HRH3: variants seen among roughly 807,000 people sequenced by gnomAD.
HRH3 encodes the protein histamine H3 receptor.
A neutral mutation model predicts 21.6 loss-of-function variants in HRH3; 13 were observed. The ratio of observed to expected loss-of-function variants is 0.60; its 90% CI spans 0.39 to 0.96. The LOEUF (loss-of-function observed/expected upper bound fraction) is 0.96. Among genes scored for constraint, HRH3 ranks in the 40% least tolerant of loss-of-function variants. The pLI, the probability that HRH3 is intolerant of heterozygous loss-of-function variation, is 0.00. For synonymous variants in HRH3, 276 were observed against 290.3 expected (o/e 0.95, Z 0.50); for missense variants, 461 against 622.7 (o/e 0.74, Z 2.76).
rs778598533 is a variant in HRH3 at position 62,216,970 on chromosome 20, T to C, written c.418-44A>G. The stretch of plus-strand genomic sequence containing the variant: ...GTCAGGGGCGGGGCGGAAGGAATAT[T>C]GGGCTGGGTGCGCCCCCGTAGCCTG... On this transcript the variant is annotated intron_variant, in intron 2 of 2. Coordinates refer to ENST00000340177, the MANE Select transcript of HRH3 (RefSeq NM_007232.3). 18 of 1,517,722 alleles carry C rather than the reference T, an allele frequency of 1.2e-5. No individual in the cohort carries two copies. In the Admixed American group the frequency reaches 2.7e-4, roughly 23 times the overall value. 94.0% of individuals were successfully genotyped at this position (1,517,722 alleles called of 1,614,324 possible).
chr20:62,218,422 C>T lies in HRH3; in HGVS notation c.417+69G>A. 1 of 1,536,318 alleles carries T rather than the reference C, an allele frequency of 6.5e-7. No individual in the cohort carries two copies. On this transcript the variant is annotated intron_variant, in intron 2 of 2. Coordinates refer to ENST00000340177, the MANE Select transcript of HRH3 (RefSeq NM_007232.3). This position sits in a 1 kb window ranked among gnomAD's most constrained non-coding sequence, Gnocchi z 5.6. Reference sequence around the variant, plus strand: ...CAACTCAGAAGTGGCCGTCCCCACCCAGGTGCCTCCCATGGGCGTCCCGAC... The same window carrying T: ...CAACTCAGAAGTGGCCGTCCCCACCTAGGTGCCTCCCATGGGCGTCCCGAC...
Position 62,219,984 on chromosome 20 carries a change from C to G in HRH3, c.-14G>C. 1 of 1,013,038 alleles carries G rather than the reference C, an allele frequency of 9.9e-7. No homozygotes were observed. Among genetic ancestry groups the G allele is most frequent in the Non-Finnish European group, 1.2e-6 (1 of 850,658 alleles). The allele number at this position is 1,013,038 out of a possible 1,614,324, so 62.8% of individuals were successfully genotyped here. On this transcript the variant is annotated 5_prime_UTR_variant, in exon 1 of 3. An upstream open reading frame in the 5' UTR loses its in-frame stop. Transcript: ENST00000340177. The surrounding 1 kb of genome is among the most constrained non-coding windows in gnomAD (Gnocchi z 8.7). Reference sequence around the variant, plus strand: ...CGCGCGCTCCATGGCCCCGCAGGCTCACGCGGCTCCGGGACGCGGGGCAGG... The same window carrying G: ...CGCGCGCTCCATGGCCCCGCAGGCTGACGCGGCTCCGGGACGCGGGGCAGG...
In HRH3 at chr20:62,216,773, C is replaced by A. The variant is rs377382211; in HGVS notation, c.571G>T (p.Glu191Ter). Reference sequence around the variant, plus strand: ...AGGAAGTACCAGTTGTAGAAGAACTCGGCATAGCAGTGGCCCTCGGGGATG... The same window carrying A: ...AGGAAGTACCAGTTGTAGAAGAACTAGGCATAGCAGTGGCCCTCGGGGATG... ...SSIPEGHCYA[E>*]FFYNWYFLIT... Residue 191 changes from glutamate to a stop codon, truncating the protein, a stop_gained, in exon 3 of 3, where the codon GAG (glutamate) becomes TAG (stop). Coordinates refer to ENST00000340177, the MANE Select transcript of HRH3 (RefSeq NM_007232.3). LOFTEE classifies it low-confidence loss of function (END_TRUNC). 3 of 1,613,078 alleles carry A rather than the reference C, an allele frequency of 1.9e-6. No homozygotes were observed. The highest frequency in any genetic ancestry group is 1.6e-4 in the Middle Eastern group (1 of 6,084).
intron 2 of HRH3, 135 bp from the exon 3 acceptor site, chr20:62,217,061 C>T (rs1297275502): frequency 1.1e-6 from 1 of 871,206 alleles, no homozygotes. Context: ...TCCTCCCTCC[C>T]TCCCTCTTTC....
chr20:62,218,497 G>A lies in HRH3; in HGVS notation c.411C>T (p.Thr137=), dbSNP rs746826579. ...TCCGCAGCCCAGGACTCACCGCTCG[G>A]GTGACCGACAGGAAGCGGTCGTAGC... ...LISYDRFLSV[T]RAVSYRAQQG... is the part of the protein sequence containing the mutation. The change falls in exon 2 of 3, where the codon ACC becomes ACT. Residue 137 remains threonine (T), a synonymous_variant. Coordinates refer to ENST00000340177, the MANE Select transcript of HRH3 (RefSeq NM_007232.3). The surrounding 1 kb of genome is among the most constrained non-coding windows in gnomAD (Gnocchi z 5.6). 5.6e-6 allele frequency: 9 copies of A among 1,611,316 alleles called. No homozygotes were observed. The Admixed American group carries it at 1.0e-4, about 18-fold the overall frequency.
intron 2 of HRH3, among the ~76,000 whole-genome samples, chr20:62,217,664 G>T (rs990184715): frequency 6.6e-6 from 1 of 152,184 alleles, no homozygotes; most frequent in Non-Finnish European, 1.5e-5. Context: ...CCACCAGCCT[G>T]ATGGCGTTTA....
At chr20:62,217,919 A>G (rs534950054) in intron 2 of HRH3, among the ~76,000 whole-genome samples, 3 of 152,278 alleles carry the variant, frequency 2.0e-5, no homozygotes, top group South Asian at 4.1e-4. Context: ...ACCTGCCCTC[A>G]GTCCTGCAGA....
rs1978681984 is a variant in HRH3 at position 62,218,681 on chromosome 20, G to A, written c.251-24C>T. 2 of 1,607,104 alleles carry A rather than the reference G, an allele frequency of 1.2e-6. No individual in the cohort carries two copies. The highest frequency in any genetic ancestry group is 3.3e-5 in the Admixed American group (2 of 59,856). ...GCCTGTGGGGAGTAGGGCCACAGTG[G>A]GACCATGCAGCCAGGGGCCAGGGGA... On this transcript the variant is annotated intron_variant, in intron 1 of 2. Transcript: ENST00000340177. This position sits in a 1 kb window ranked among gnomAD's most constrained non-coding sequence, Gnocchi z 5.6.
chr20:62,215,351 T>A lies in HRH3; in HGVS notation c.*655A>T, dbSNP rs1292989666. The A allele has an allele frequency of 2.2e-6, 1 of 456,864 alleles. No homozygotes were observed. The highest frequency in any genetic ancestry group is 2.3e-5 in the Admixed American group (1 of 42,596). The allele number at this position is 456,864 out of a possible 1,614,324, so 28.3% of individuals were successfully genotyped here. Reference sequence around the variant, plus strand: ...GAGCTCCTCAGCAATTTTGTCTCTCTTGATTAAACATCCCAGGAACATCAA... The same window carrying A: ...GAGCTCCTCAGCAATTTTGTCTCTCATGATTAAACATCCCAGGAACATCAA... On this transcript the variant is annotated 3_prime_UTR_variant, in exon 3 of 3. Coordinates refer to ENST00000340177, the MANE Select transcript of HRH3 (RefSeq NM_007232.3).
chr20:62,218,180 G>T lies in HRH3; in HGVS notation c.417+311C>A, dbSNP rs893923213. 2.0e-5 allele frequency among the ~76,000 whole-genome samples: 3 copies of T among 152,224 alleles called. No homozygotes were observed. The highest frequency in any genetic ancestry group is 7.2e-5 in the African/African-American group (3 of 41,456). ...GGAGGGATGTCACCCAGGGCGTCTG[G>T]CCCCAGATCCTCCCTTAACTCCGGG... On this transcript the variant is annotated intron_variant, in intron 2 of 2. Transcript: ENST00000340177. The surrounding 1 kb of genome is among the most constrained non-coding windows in gnomAD (Gnocchi z 5.6).
Position 62,218,713 on chromosome 20 carries a change from G to T in HRH3, c.251-56C>A. 6.4e-7 allele frequency: 1 copy of T among 1,563,334 alleles called. No individual in the cohort carries two copies. The highest frequency in any genetic ancestry group is 8.7e-7 in the Non-Finnish European group (1 of 1,145,426). On this transcript the variant is annotated intron_variant, in intron 1 of 2. Transcript: ENST00000340177. This position sits in a 1 kb window ranked among gnomAD's most constrained non-coding sequence, Gnocchi z 5.6. ...GCAGCCAGGGGCCAGGGGACAGACG[G>T]ACCTAAGCGCAGACACCGGCGGGAC...
In HRH3 at chr20:62,216,079, G is replaced by A. The variant is rs917156919; in HGVS notation, c.1265C>T (p.Ala422Val). The change falls in exon 3 of 3, where the codon GCC (alanine) becomes GTC (valine). Residue 422 changes from alanine to valine, a missense_variant. Physicochemically the swap from Ala to Val is moderately conservative, Grantham distance 64 (BLOSUM62 0). Transcript: ENST00000340177. Reference protein sequence around the residue: ...YPLCHHSFRRAFTKLLCPQKL... With the variant: ...YPLCHHSFRRVFTKLLCPQKL... ...CTGGGGGCAGAGCAGCTTGGTGAAG[G>A]CCCGGCGGAAGCTGTGGTGGCACAG... 8 of 1,609,540 alleles carry A rather than the reference G, an allele frequency of 5.0e-6. No individual in the cohort carries two copies. The highest frequency in any genetic ancestry group is 5.9e-6 in the Non-Finnish European group (7 of 1,178,544).
chr20:62,215,950 T>C lies in HRH3; in HGVS notation c.*56A>G. ...CCGGGTAGGGGGCAGCAGGGCCAGATGCCCAGGAGACCTGGGCTGAGAGAG... is the reference window on the plus strand; with the variant it reads ...CCGGGTAGGGGGCAGCAGGGCCAGACGCCCAGGAGACCTGGGCTGAGAGAG... On this transcript the variant is annotated 3_prime_UTR_variant, in exon 3 of 3. Transcript: ENST00000340177. 1 of 1,459,300 alleles carries C rather than the reference T, an allele frequency of 6.9e-7. No individual in the cohort carries two copies. Among genetic ancestry groups the C allele is most frequent in the Non-Finnish European group, 9.2e-7 (1 of 1,087,868 alleles). 90.4% of individuals were successfully genotyped at this position (1,459,300 alleles called of 1,614,324 possible).
In HRH3 at chr20:62,216,774, G is replaced by A. The variant is rs549042238; in HGVS notation, c.570C>T (p.Ala190=). The change falls in exon 3 of 3, where the codon GCC becomes GCT. Residue 190 remains alanine, a synonymous_variant. Coordinates refer to ENST00000340177, the MANE Select transcript of HRH3 (RefSeq NM_007232.3). Reference sequence around the variant, plus strand: ...GGAAGTACCAGTTGTAGAAGAACTCGGCATAGCAGTGGCCCTCGGGGATGG... The same window carrying A: ...GGAAGTACCAGTTGTAGAAGAACTCAGCATAGCAGTGGCCCTCGGGGATGG... The part of the protein sequence containing the change: ...GSSIPEGHCY[A]EFFYNWYFLI... The A allele has an allele frequency of 2.9e-5, 47 of 1,613,172 alleles. No individual in the cohort carries two copies. Among genetic ancestry groups the A allele is most frequent in the Middle Eastern group, 1.6e-4 (1 of 6,062 alleles).
In HRH3 at chr20:62,220,021, G is replaced by C; in HGVS notation, c.-51C>G. On this transcript the variant is annotated 5_prime_UTR_variant, in exon 1 of 3. Transcript: ENST00000340177. ...GGACGCGGGGCAGGGCGCCGGCCGA[G>C]AGCTGGGCGGCCGGGAGGGGCCCCG... 12 of 991,408 alleles carry C rather than the reference G, an allele frequency of 1.2e-5. No homozygotes were observed. The highest frequency in any genetic ancestry group is 1.4e-5 in the Non-Finnish European group (12 of 835,528). The allele number at this position is 991,408 out of a possible 1,614,324, so 61.4% of individuals were successfully genotyped here. A position where few individuals can be genotyped will look rare whatever the true frequency, so the allele number is the denominator to read the frequency against.
rs1275124070 is a variant in HRH3, at chr20:62,216,093, G to A, written c.1251C>T (p.His417=). 4 of 1,612,092 alleles carry A rather than the reference G, an allele frequency of 2.5e-6. No individual in the cohort carries two copies. Among genetic ancestry groups the A allele is most frequent in the African/African-American group, 1.3e-5 (1 of 74,934 alleles). Residue 417 remains histidine, a synonymous_variant, in exon 3 of 3, where the codon CAC becomes CAT. Coordinates refer to ENST00000340177, the MANE Select transcript of HRH3 (RefSeq NM_007232.3). ...GCTTGGTGAAGGCCCGGCGGAAGCT[G>A]TGGTGGCACAGAGGGTAGAGGACAG... The part of the protein sequence containing the change: ...VNPVLYPLCH[H]SFRRAFTKLL...
chr20:62,220,028 G>T lies in HRH3; in HGVS notation c.-58C>A. The T allele has an allele frequency of 1.0e-6, 1 of 989,998 alleles. No homozygotes were observed. The highest frequency in any genetic ancestry group is 1.2e-6 in the Non-Finnish European group (1 of 834,502). 61.3% of individuals were successfully genotyped at this position (989,998 alleles called of 1,614,324 possible). A position where few individuals can be genotyped will look rare whatever the true frequency, so the allele number is the denominator to read the frequency against. ...GGGCAGGGCGCCGGCCGAGAGCTGG[G>T]CGGCCGGGAGGGGCCCCGGCCCGGG... On this transcript the variant is annotated 5_prime_UTR_variant, in exon 1 of 3. Coordinates refer to ENST00000340177, the MANE Select transcript of HRH3 (RefSeq NM_007232.3).
chr20:62,217,041 T>A, intron 2 of HRH3, 115 bp from the exon 3 acceptor site: 1 of 987,256 alleles, frequency 1.0e-6, no homozygotes, highest in Non-Finnish European at 1.4e-6. Flanking sequence ...GCTCCTCCTT[T>A]CCCCTCCTGT....
chr20:62,217,337 C>T (rs1978617582), intron 2 of HRH3, among the ~76,000 whole-genome samples: 2 of 152,250 alleles, frequency 1.3e-5, no homozygotes, highest in South Asian at 4.1e-4. Flanking sequence ...AAGGCCCGAG[C>T]CATCTGCAGA....
Sources: allele counts gnomAD v4.1 joint callset (sites outside exome capture counted in the v4.1 genomes callset), GRCh38; gene constraint gnomAD v4.1.1; non-coding constraint Gnocchi (gnomAD v3.1); transcripts MANE v1.5; gene names NCBI Gene and HGNC (gene_info 2026-07-23, HGNC 2026-07-21).